The following DST variants were observed in gnomAD, a reference collection of about 807,000 sequenced individuals.
DST encodes bullous pemphigoid antigen.
DST carries 253 observed loss-of-function variants against 875.2 expected under a neutral mutation model. The observed-to-expected ratio is 0.29, with a 90% CI of 0.26 to 0.32. DST has a LOEUF of 0.32. DST is among the 10% of genes least tolerant of loss of function. The pLI, the probability that DST is intolerant of heterozygous loss-of-function variation, is 1.00. For synonymous variants in DST, 3,124 were observed against 3,197.1 expected, an observed-to-expected ratio of 0.98 and a Z score of 0.77; for missense variants, 8,287 against 9,111.6, an observed-to-expected ratio of 0.91 and a Z score of 3.68.
At position 56,561,343 on chromosome 6, in the gene DST, T is replaced by C; in HGVS notation, c.14275A>G (p.Thr4759Ala). The change falls in exon 57 of 104, where the codon ACT becomes GCT. Residue 4759 changes from threonine (T) to alanine (A), a missense_variant. This residue lies in a region of DST where 1,513 missense variants were observed against 1,677.8 expected (regional missense o/e 0.90). Coordinates refer to ENST00000680361, the MANE Select transcript of DST (RefSeq NM_001374736.1). Reference sequence around the variant, plus strand: ...TCAACTTGAGTCTTCACAGCTTCAGTATCTGTAGGTGCAGGTGTCTGCTGC... The same window carrying C: ...TCAACTTGAGTCTTCACAGCTTCAGCATCTGTAGGTGCAGGTGTCTGCTGC... The part of the protein sequence containing the change: ...KWQQTPAPTD[T>A]EAVKTQVEQN... 1.2e-6 allele frequency: 2 copies of C among 1,613,632 alleles called. No individual in the cohort carries two copies. Among genetic ancestry groups the C allele is most frequent in the Non-Finnish European group, 1.7e-6 (2 of 1,179,688 alleles).
At chr6:56,602,126 T>A in intron 43 of DST, 1 of 266,876 alleles carries the variant, frequency 3.7e-6, no homozygotes, top group South Asian at 3.7e-5. Context: ...GTTTTCTGAC[T>A]CTCAGGCCAG....
At chr6:56,591,104 AATAG>A (rs2098265238) in intron 49 of DST, among the ~76,000 whole-genome samples, 1 of 152,236 alleles carries the variant, frequency 6.6e-6, no homozygotes, top group South Asian at 2.1e-4. Context: ...GGAATCATAT[AATAG>A]ATTGATGGAA....
At chr6:56,946,466 G>A (rs769188479) in intron 2 of DST, among the ~76,000 whole-genome samples, 15 of 152,164 alleles carry the variant, frequency 9.9e-5, no homozygotes, top group Non-Finnish European at 1.8e-4. Context: ...TTGTGCTGTT[G>A]CTGTTATTTC....
chr6:56,756,256 A>C (rs988587215), intron 4 of DST, among the ~76,000 whole-genome samples: 1 of 151,912 alleles, frequency 6.6e-6, no homozygotes, highest in Non-Finnish European at 1.5e-5. Flanking sequence ...TGGCTGGGAC[A>C]CCTCCCAGAG....
intron 24 of DST, among the ~76,000 whole-genome samples, chr6:56,635,346 C>A (rs78578315): frequency 1.3e-5 from 2 of 151,944 alleles, no homozygotes; most frequent in African/African-American, 4.8e-5. Flanking sequence ...AATAACTAAA[C>A]ACACACGTGC....
intron 4 of DST, among the ~76,000 whole-genome samples, chr6:56,847,594 T>G (rs1036368898): frequency 6.6e-6 from 1 of 152,206 alleles, no homozygotes; most frequent in African/African-American, 2.4e-5. Context: ...CTACCTTTGT[T>G]CTTGTAGTTC....
intron 9 of DST, among the ~76,000 whole-genome samples, chr6:56,682,489 C>G (rs965474947): frequency 2.6e-5 from 4 of 152,212 alleles, no homozygotes; most frequent in African/African-American, 9.6e-5. Context: ...ATTACCTCTA[C>G]TCTTACACAC....
At chr6:56,742,001 G>A (rs574024310) in intron 4 of DST, among the ~76,000 whole-genome samples, 3 of 152,218 alleles carry the variant, frequency 2.0e-5, no homozygotes, top group African/African-American at 7.2e-5. Flanking sequence ...TATATTGACT[G>A]GTTTTCAGTG....
intron 4 of DST, among the ~76,000 whole-genome samples, chr6:56,771,047 G>T (rs1427147419): frequency 6.6e-6 from 1 of 151,030 alleles, no homozygotes; most frequent in African/African-American, 2.4e-5. Flanking sequence ...AATTATCAAG[G>T]AGTAAGGTAG....
chr6:56,771,521 T>C (rs2099664261), intron 4 of DST, among the ~76,000 whole-genome samples: 1 of 152,186 alleles, frequency 6.6e-6, no homozygotes, highest in South Asian at 2.1e-4. Flanking sequence ...AATGTATAAA[T>C]CATCATCAAA....
rs1328119886 is a variant in DST, at chr6:56,532,360, T to C, written c.17092A>G (p.Asn5698Asp). Reference sequence around the variant, plus strand: ...ATAAGTTACCTTGTTTCAGCTTTATTAAGCAATGCCTCCCATCTGCTATCC... The same window carrying C: ...ATAAGTTACCTTGTTTCAGCTTTATCAAGCAATGCCTCCCATCTGCTATCC... Reference protein sequence around the residue: ...LLDSRWEALLNKAETRNRQLE... With the variant: ...LLDSRWEALLDKAETRNRQLE... Residue 5698 changes from asparagine to aspartate, a missense_variant, in exon 64 of 104, where the codon AAT (asparagine) becomes GAT (aspartate). Asn to Asp is a conservative substitution (Grantham distance 23, BLOSUM62 1). Around this residue, in one of 10 missense-constraint regions of DST, gnomAD observed 777 missense variants for 764.8 expected, o/e 1.02. Coordinates refer to ENST00000680361, the MANE Select transcript of DST (RefSeq NM_001374736.1). 6.2e-7 allele frequency: 1 copy of C among 1,613,566 alleles called. No individual in the cohort carries two copies. Among genetic ancestry groups the C allele is most frequent in the South Asian group, 1.1e-5 (1 of 91,054 alleles).
chr6:56,851,236 G>T, intron 4 of DST, 161 bp downstream of exon 4: 1 of 698,782 alleles, frequency 1.4e-6, no homozygotes, highest in Non-Finnish European at 2.4e-6. Flanking sequence ...GGCTCTATCG[G>T]TAAAACAAGG....
intron 5 of DST, among the ~76,000 whole-genome samples, chr6:56,731,958 A>T (rs1563916820): frequency 6.6e-6 from 1 of 152,270 alleles, no homozygotes; most frequent in Non-Finnish European, 1.5e-5. Flanking sequence ...ATAATAAAAC[A>T]AATGATGTCA....
intron 4 of DST, among the ~76,000 whole-genome samples, chr6:56,828,592 T>G (rs1347165576): frequency 6.6e-6 from 1 of 152,226 alleles, no homozygotes; most frequent in Non-Finnish European, 1.5e-5. Flanking sequence ...TATACACCAG[T>G]AAGAAACAAA....
chr6:56,489,584 A>G lies in DST; in HGVS notation c.20783T>C (p.Met6928Thr), dbSNP rs763176568. The change falls in exon 86 of 104, where the codon ATG becomes ACG. Residue 6928 changes from methionine to threonine, a missense_variant. Transcript: ENST00000680361. ...CTTTTCTGACTCTTCTAGCCACTCC[A>G]TAAGTTTACTCCAAGCTTCATGGAA... ...KQFHEAWSKLMEWLEESEKSL... is the reference protein window; with the variant it reads ...KQFHEAWSKLTEWLEESEKSL... 17 of 1,612,676 alleles carry G rather than the reference A, an allele frequency of 1.1e-5. No individual in the cohort carries two copies. The highest frequency in any genetic ancestry group is 8.9e-5 in the East Asian group (4 of 44,798).
intron 63 of DST, 144 bp downstream of exon 63, chr6:56,534,978 T>C: frequency 2.3e-6 from 2 of 885,156 alleles, no homozygotes; most frequent in Non-Finnish European, 3.5e-6. Context: ...TAAATATTTG[T>C]CGAATGACTA....
chr6:56,803,347 G>A (rs746568738), intron 4 of DST, among the ~76,000 whole-genome samples: 2 of 151,882 alleles, frequency 1.3e-5, no homozygotes, highest in Non-Finnish European at 2.9e-5. Context: ...GTTTTCCATC[G>A]GCGTTGTTTT....
chr6:56,631,790 G>T, intron 29 of DST, 93 bp downstream of exon 29: 1 of 1,149,126 alleles, frequency 8.7e-7, no homozygotes. Flanking sequence ...GCTAGTGTGA[G>T]TGTGCAAAAC....
chr6:56,742,376 T>C (rs1309686744), intron 4 of DST: 4 of 1,288,830 alleles, frequency 3.1e-6, no homozygotes, highest in Non-Finnish European at 4.0e-6. Flanking sequence ...CCCTAAACTC[T>C]CTCCGTACAA....
Sources: allele counts gnomAD v4.1 joint callset (sites outside exome capture counted in the v4.1 genomes callset), GRCh38; gene constraint gnomAD v4.1.1; regional missense constraint gnomAD v4.1.1; transcripts MANE v1.5; gene names NCBI Gene and HGNC (gene_info 2026-07-23, HGNC 2026-07-21).